LSAMP: variants seen among roughly 807,000 people sequenced by gnomAD.
LSAMP encodes the protein limbic system-associated membrane protein.
LSAMP carries 7 observed loss-of-function variants against 38.6 expected under a neutral mutation model. The ratio of observed to expected loss-of-function variants is 0.18; its 90% confidence interval spans 0.10 to 0.34. LSAMP has a LOEUF of 0.34. Among genes scored for constraint, LSAMP ranks in the 10% least tolerant of loss-of-function variants. The pLI, the probability that LSAMP is intolerant of heterozygous loss-of-function variation, is 1.00. For synonymous variants in LSAMP, 154 were observed against 166.8 expected (o/e 0.92, Z 0.59); for missense variants, 313 against 420.0 (o/e 0.75, Z 2.23).
At chr3:115,834,572 G>T (rs187049025) in intron 6 of LSAMP, 17 of 1,276,268 alleles carry the variant, frequency 1.3e-5, no homozygotes, top group Middle Eastern at 2.2e-4. Context: ...CTTGAATGGG[G>T]TGGGGGATTG....
At chr3:116,426,831 A>G (rs2107864600) in intron 1 of LSAMP, among the ~76,000 whole-genome samples, 1 of 152,174 alleles carries the variant, frequency 6.6e-6, no homozygotes, top group East Asian at 1.9e-4. Flanking sequence ...GTAAAGAATT[A>G]TAAGCCGAAG....
intron 2 of LSAMP, among the ~76,000 whole-genome samples, chr3:116,042,062 T>C (rs1164967452): frequency 6.6e-6 from 1 of 152,190 alleles, no homozygotes; most frequent in Non-Finnish European, 1.5e-5. Context: ...AATTGTGCAC[T>C]AAGGTTATGG....
chr3:115,941,782 C>A (rs908709754), intron 3 of LSAMP, among the ~76,000 whole-genome samples: 3 of 151,988 alleles, frequency 2.0e-5, no homozygotes. Flanking sequence ...ATGGTGGTTG[C>A]CAGGAGCTGG....
At chr3:115,992,297 G>A (rs996593672) in intron 3 of LSAMP, among the ~76,000 whole-genome samples, 4 of 151,966 alleles carry the variant, frequency 2.6e-5, no homozygotes, top group Non-Finnish European at 5.9e-5. Flanking sequence ...TAGTTGATGA[G>A]GGCCAGAGGA....
intron 1 of LSAMP, among the ~76,000 whole-genome samples, chr3:116,279,503 C>T (rs2047098350): frequency 6.6e-6 from 1 of 151,886 alleles, no homozygotes; most frequent in African/African-American, 2.4e-5. Context: ...ATTCTATCTA[C>T]TCTCATGTGA....
intron 1 of LSAMP, among the ~76,000 whole-genome samples, chr3:116,425,420 G>A (rs1013343514): frequency 3.3e-5 from 5 of 152,298 alleles, no homozygotes; most frequent in Non-Finnish European, 4.4e-5. Flanking sequence ...CAGGCAACAC[G>A]TGGAACATGG....
At chr3:116,176,430 C>T (rs1710340393) in intron 1 of LSAMP, among the ~76,000 whole-genome samples, 1 of 152,064 alleles carries the variant, frequency 6.6e-6, no homozygotes, top group Non-Finnish European at 1.5e-5. Context: ...GAGCAATTAG[C>T]ACCATTCCAT....
At chr3:116,322,482 A>G (rs2047718427) in intron 1 of LSAMP, among the ~76,000 whole-genome samples, 1 of 152,156 alleles carries the variant, frequency 6.6e-6, no homozygotes, top group Non-Finnish European at 1.5e-5. Flanking sequence ...TTAGTGATAG[A>G]TAGATTATCG....
intron 3 of LSAMP, among the ~76,000 whole-genome samples, chr3:115,991,645 C>CTCCAAATTGT (rs1939671737): frequency 6.6e-6 from 1 of 152,072 alleles, no homozygotes; most frequent in African/African-American, 2.4e-5. Context: ...CAAATGTTAA[C>CTCCAAATTGT]ATCTCCAAAT....
Position 116,019,612 on chromosome 3 carries a change from C to T in LSAMP, c.417G>A (p.Ser139=), listed in dbSNP as rs199591528. 3.0e-5 allele frequency: 49 copies of T among 1,612,612 alleles called. No individual in the cohort carries two copies. In the East Asian group the frequency reaches 6.0e-4, roughly 20 times the overall value. Reference sequence around the variant, plus strand: ...TGCTGCCCTCATTCACAGTGACATCCGAGGAGATATTGGAGATCTTTGGTG... The same window carrying T: ...TGCTGCCCTCATTCACAGTGACATCTGAGGAGATATTGGAGATCTTTGGTG... ...QVPPKISNIS[S]DVTVNEGSNV... is the part of the protein sequence containing the mutation. Residue 139 remains serine (S), a synonymous_variant, in exon 3 of 7, where the codon TCG becomes TCA. Transcript: ENST00000490035.
intron 1 of LSAMP, among the ~76,000 whole-genome samples, chr3:116,444,366 ATGTG>A (rs1165037541): frequency 9.9e-6 from 1 of 101,118 alleles, no homozygotes; most frequent in Non-Finnish European, 2.0e-5. Context: ...GTGTGTGTGT[ATGTG>A]TGTGTGTGTG....
chr3:116,445,056 C>G lies in LSAMP; in HGVS notation c.-25G>C, dbSNP rs756468634. On this transcript the variant is annotated 5_prime_UTR_variant, in exon 1 of 7. Transcript: ENST00000490035. Reference sequence around the variant, plus strand: ...TGGTGGCCACGCCGAGGTGCGGGTCCGCGGGGTGCTCTGGAGGGGTGCGCG... The same window carrying G: ...TGGTGGCCACGCCGAGGTGCGGGTCGGCGGGGTGCTCTGGAGGGGTGCGCG... The G allele has an allele frequency of 6.2e-7, 1 of 1,600,550 alleles. No individual in the cohort carries two copies. The highest frequency in any genetic ancestry group is 8.5e-7 in the Non-Finnish European group (1 of 1,172,182).
At chr3:115,894,302 C>T (rs928610609) in intron 3 of LSAMP, among the ~76,000 whole-genome samples, 3 of 152,008 alleles carry the variant, frequency 2.0e-5, no homozygotes, top group Non-Finnish European at 2.9e-5. Context: ...TATCCTAATA[C>T]TTCCTTCTAT....
intron 3 of LSAMP, among the ~76,000 whole-genome samples, chr3:115,938,478 A>G (rs1240294067): frequency 1.3e-5 from 2 of 152,174 alleles, no homozygotes; most frequent in Non-Finnish European, 2.9e-5. Flanking sequence ...GTCAAGCATC[A>G]TATTTATCAG....
intron 3 of LSAMP, among the ~76,000 whole-genome samples, chr3:115,913,681 G>A (rs1485527780): frequency 6.6e-6 from 1 of 152,152 alleles, no homozygotes; most frequent in Non-Finnish European, 1.5e-5. Context: ...AATTGATGAG[G>A]AATCTCTCTT....
intron 1 of LSAMP, among the ~76,000 whole-genome samples, chr3:116,320,995 G>T (rs4831130): frequency 0.76 from 115,740 of 152,066 alleles, 44,338 homozygotes; most frequent in South Asian, 0.83. Context: ...GTGGCCTCTT[G>T]GTGAGGGTAT....
At chr3:116,384,966 G>T (rs1254598047) in intron 1 of LSAMP, among the ~76,000 whole-genome samples, 1 of 152,016 alleles carries the variant, frequency 6.6e-6, no homozygotes, top group African/African-American at 2.4e-5. Context: ...AATTATTGAG[G>T]TGCTGGGCAC....
At chr3:116,015,269 G>A (rs773550906) in intron 3 of LSAMP, among the ~76,000 whole-genome samples, 3 of 152,088 alleles carry the variant, frequency 2.0e-5, no homozygotes, top group Non-Finnish European at 2.9e-5. Context: ...GAAATGAAAC[G>A]CATAGAAACT....
At chr3:116,426,292 G>C (rs979927336) in intron 1 of LSAMP, among the ~76,000 whole-genome samples, 5 of 151,934 alleles carry the variant, frequency 3.3e-5, no homozygotes, top group African/African-American at 1.2e-4. Flanking sequence ...CTCAAGACCA[G>C]TCTGGCCAAT....
Sources: gnomAD v4.1 joint callset for allele counts (sites outside exome capture counted in the v4.1 genomes callset) on GRCh38, gnomAD v4.1.1 for gene constraint, MANE v1.5 for transcripts, NCBI Gene and HGNC (gene_info 2026-07-23, HGNC 2026-07-21) for gene names.